NOTCH2: variants seen among roughly 807,000 people sequenced by gnomAD.
NOTCH2 encodes the protein notch receptor 2, also known as neurogenic locus notch homolog protein 2.
NOTCH2 carries 29 observed loss-of-function variants against 235.8 expected under a neutral mutation model. The observed-to-expected ratio is 0.12, with a 90% confidence interval of 0.09 to 0.17. The LOEUF (loss-of-function observed/expected upper bound fraction) is 0.17, where lower values mean the gene tolerates loss of function less well. NOTCH2 is among the 10% of genes least tolerant of loss of function. The pLI is 1.00. For synonymous variants in NOTCH2, 1,086 were observed against 1,141.5 expected (o/e 0.95, Z 0.98); for missense variants, 2,285 against 3,150.2 (o/e 0.73, Z 6.57).
chr1:120,064,751 CAAA>C (rs200720209), intron 1 of NOTCH2, among the ~76,000 whole-genome samples: 2 of 84,070 alleles, frequency 2.4e-5, no homozygotes, highest in African/African-American at 1.0e-4. Context: ...TCTCTTGGTT[CAAA>C]AAAAAAAAAA....
chr1:119,922,370 A>G lies in NOTCH2; in HGVS notation c.5079T>C (p.Ile1693=), dbSNP rs754873751. ...AVAVVIILFI[I]LLGVIMAKRK... is the part of the protein sequence containing the mutation. Reference sequence around the variant, plus strand: ...GTTTTGCCATGATTACCCCCAGCAGAATAATAAACAGAATGATGACAACAG... The same window carrying G: ...GTTTTGCCATGATTACCCCCAGCAGGATAATAAACAGAATGATGACAACAG... The change falls in exon 28 of 34, where the codon ATT becomes ATC. Residue 1693 remains isoleucine (I), a synonymous_variant. Coordinates refer to ENST00000256646, the MANE Select transcript of NOTCH2 (RefSeq NM_024408.4). The G allele has an allele frequency of 6.2e-7, 1 of 1,614,042 alleles. No homozygotes were observed. Among genetic ancestry groups the G allele is most frequent in the South Asian group, 1.1e-5 (1 of 91,084 alleles).
intron 5 of NOTCH2, among the ~76,000 whole-genome samples, chr1:119,977,007 T>A (rs587625464): frequency 6.6e-6 from 1 of 152,114 alleles, no homozygotes; most frequent in Non-Finnish European, 1.5e-5. Context: ...AGGCATTTAG[T>A]ACAGTTCAAA....
At chr1:120,028,774 C>T (rs373081) in intron 2 of NOTCH2, among the ~76,000 whole-genome samples, 1 of 128,258 alleles carries the variant, frequency 7.8e-6, no homozygotes, top group African/African-American at 3.3e-5. Flanking sequence ...AAGCAAAGAA[C>T]AACTACTCCT....
rs781853129 is a variant in NOTCH2, at chr1:119,950,752, G to A, written c.2451C>T (p.Tyr817=). 18 of 1,612,890 alleles carry A rather than the reference G, an allele frequency of 1.1e-5. No individual in the cohort carries two copies. Among genetic ancestry groups the A allele is most frequent in the Middle Eastern group, 3.3e-4 (2 of 6,084 alleles). ...QGTCFDDISG[Y]TCHCVLPYTG... ...TGTATGGCAGCACACAGTGGCAAGT[G>A]TAGCCACTTATGTCATCAAAGCAGG... is the stretch of plus-strand genomic sequence containing the variant. The change falls in exon 15 of 34, where the codon TAC becomes TAT. Residue 817 remains tyrosine (Y), a synonymous_variant. Transcript: ENST00000256646.
chr1:119,948,597 T>A, intron 16 of NOTCH2, 31 bp from the exon 17 acceptor site: 1 of 1,613,854 alleles, frequency 6.2e-7, no homozygotes, highest in Non-Finnish European at 8.5e-7. Flanking sequence ...AATGACCTAG[T>A]CCTTGGAAGC....
At chr1:119,940,256 A>G (rs1375203511) in intron 19 of NOTCH2, among the ~76,000 whole-genome samples, 4 of 152,204 alleles carry the variant, frequency 2.6e-5, no homozygotes, top group African/African-American at 9.6e-5. Context: ...TTGTGCTTCC[A>G]ATGTAAAAAA....
chr1:119,966,585 G>T, intron 8 of NOTCH2, 96 bp from the exon 9 acceptor site: 2 of 830,040 alleles, frequency 2.4e-6, no homozygotes, highest in Non-Finnish European at 4.3e-6. Flanking sequence ...CATCCTTTGC[G>T]AGTACACACA....
At chr1:120,002,483 C>G (rs1336681818) in intron 3 of NOTCH2, among the ~76,000 whole-genome samples, 37 of 151,794 alleles carry the variant, frequency 2.4e-4, no homozygotes, top group African/African-American at 8.5e-4. Context: ...GGCGGAACTA[C>G]AAATGGTCCC....
At chr1:120,060,439 T>C (rs1655271823) in intron 1 of NOTCH2, among the ~76,000 whole-genome samples, 1 of 148,186 alleles carries the variant, frequency 6.7e-6, no homozygotes, top group Non-Finnish European at 1.5e-5. Context: ...TGTAGATCTG[T>C]TCATAAACTA....
chr1:120,039,398 C>T (rs1570774303), intron 1 of NOTCH2, among the ~76,000 whole-genome samples: 3 of 150,162 alleles, frequency 2.0e-5, no homozygotes, highest in African/African-American at 7.4e-5. Flanking sequence ...TAGAAAACTC[C>T]CTTTTTAAAG....
chr1:119,942,266 A>G (rs1211569422), intron 17 of NOTCH2, among the ~76,000 whole-genome samples: 2 of 152,198 alleles, frequency 1.3e-5, no homozygotes, highest in Non-Finnish European at 2.9e-5. Flanking sequence ...TTGAAATATC[A>G]CATAGCTTGA....
chr1:119,966,480 C>T lies in NOTCH2; in HGVS notation c.1463G>A (p.Gly488Asp). Residue 488 changes from glycine (G) to aspartate (D), a missense_variant, in exon 9 of 34, where the codon GGT becomes GAT. Physicochemically the swap from Gly to Asp is moderately conservative, Grantham distance 94. Coordinates refer to ENST00000256646, the MANE Select transcript of NOTCH2 (RefSeq NM_024408.4). ...FTCLCMPGFK[G>D]VHCELEINEC... ...ATTTATTTCTAATTCACAATGCACACCTTTGAAACCTAAACAAAACAGACC... is the reference window on the plus strand; with the variant it reads ...ATTTATTTCTAATTCACAATGCACATCTTTGAAACCTAAACAAAACAGACC... 6.2e-7 allele frequency: 1 copy of T among 1,611,664 alleles called. No individual in the cohort carries two copies. Among genetic ancestry groups the T allele is most frequent in the Non-Finnish European group, 8.5e-7 (1 of 1,177,816 alleles).
intron 5 of NOTCH2, chr1:119,976,333 G>C (rs1369434403): frequency 2.0e-5 from 3 of 151,740 alleles, no homozygotes; most frequent in Admixed American, 2.0e-4. Flanking sequence ...TGAAGTTGGA[G>C]CTGAAGAACA....
At chr1:119,959,951 T>C (rs1197793275) in intron 11 of NOTCH2, among the ~76,000 whole-genome samples, 1 of 152,228 alleles carries the variant, frequency 6.6e-6, no homozygotes, top group Non-Finnish European at 1.5e-5. Flanking sequence ...TTGAGTAATG[T>C]CTACTACTCC....
chr1:120,063,187 A>G (rs1346839022), intron 1 of NOTCH2, among the ~76,000 whole-genome samples: 21 of 151,950 alleles, frequency 1.4e-4, no homozygotes, highest in Non-Finnish European at 2.1e-4. Flanking sequence ...TCTGCTCAAG[A>G]AGCCCTAGAT....
intron 11 of NOTCH2, 31 bp downstream of exon 11, chr1:119,963,543 C>A (rs782156882): frequency 6.4e-7 from 1 of 1,559,578 alleles, no homozygotes; most frequent in Non-Finnish European, 8.8e-7. Flanking sequence ...CAGTGAAAAC[C>A]CCATACCAAA....
At chr1:120,027,222 G>T (rs1308123323) in intron 2 of NOTCH2, among the ~76,000 whole-genome samples, 4 of 146,898 alleles carry the variant, frequency 2.7e-5, no homozygotes, top group African/African-American at 1.0e-4. Flanking sequence ...GTCCAACAAA[G>T]AACTATTGGA....
chr1:119,921,885 T>C (rs1250229690), intron 28 of NOTCH2, 76 bp from the exon 29 acceptor site: 3 of 1,216,238 alleles, frequency 2.5e-6, no homozygotes, highest in East Asian at 4.7e-5. Context: ...CTTTCCACCA[T>C]GACACACTCC....
intron 1 of NOTCH2, among the ~76,000 whole-genome samples, chr1:120,038,102 T>C (rs1654386431): frequency 6.6e-6 from 1 of 152,158 alleles, no homozygotes; most frequent in Non-Finnish European, 1.5e-5. Flanking sequence ...ATATACTGTG[T>C]AGTTTTTCCT....
Sources: gnomAD v4.1 joint callset for allele counts (sites outside exome capture counted in the v4.1 genomes callset) on GRCh38, gnomAD v4.1.1 for gene constraint, MANE v1.5 for transcripts, NCBI Gene and HGNC (gene_info 2026-07-23, HGNC 2026-07-21) for gene names.